The following FRYL variants were observed in gnomAD, a reference collection of about 807,000 sequenced individuals.
The protein encoded by FRYL is protein furry homolog-like.
Under a neutral mutation model 351.2 loss-of-function variants are expected in FRYL, and 150 were observed. The observed-to-expected ratio is 0.43, with a 90% CI of 0.37 to 0.49. FRYL has a LOEUF of 0.49. Ranked by LOEUF, FRYL falls within the 20% of genes least tolerant of loss-of-function variation. The probability of loss-of-function intolerance (pLI) is 0.00; values close to 1 mark genes in which losing one functional copy is unlikely to be tolerated. For missense variants in FRYL, 3,036 were observed against 3,619.3 expected (o/e 0.84, Z 4.13); for synonymous variants, 1,153 against 1,257.1 (o/e 0.92, Z 1.75).
chr4:48,634,317 T>C lies in FRYL; in HGVS notation c.94A>G (p.Ile32Val). 6.2e-7 allele frequency: 1 copy of C among 1,613,680 alleles called. No individual in the cohort carries two copies. The highest frequency in any genetic ancestry group is 1.1e-5 in the South Asian group (1 of 91,080). The change falls in exon 4 of 64, where the codon ATT becomes GTT. Residue 32 changes from isoleucine to valine, a missense_variant. Around this residue, in one of 7 missense-constraint regions of FRYL, gnomAD observed 457 missense variants for 566.6 expected, o/e 0.81. Transcript: ENST00000358350. ...AAGGGTTCGGCCATTACAACTTCAATTTTCTTTTCAGCTTGAACAGCAAAT... is the reference window on the plus strand; with the variant it reads ...AAGGGTTCGGCCATTACAACTTCAACTTTCTTTTCAGCTTGAACAGCAAAT... ...AEFAVQAEKKIEVVMAEPLEK... is the reference protein window; with the variant it reads ...AEFAVQAEKKVEVVMAEPLEK...
intron 56 of FRYL, among the ~76,000 whole-genome samples, chr4:48,512,914 C>T (rs1176029678): frequency 6.6e-6 from 1 of 152,138 alleles, no homozygotes; most frequent in Non-Finnish European, 1.5e-5. Context: ...CAAGCAACTA[C>T]CTTAAAATAA....
intron 62 of FRYL, among the ~76,000 whole-genome samples, chr4:48,500,576 C>T (rs1006909532): frequency 6.6e-6 from 1 of 152,018 alleles, no homozygotes; most frequent in Non-Finnish European, 1.5e-5. Flanking sequence ...AGATTATTTA[C>T]CCCAGGGTAT....
At chr4:48,774,363 C>T (rs1268632383) in intron 1 of FRYL, among the ~76,000 whole-genome samples, 4 of 152,094 alleles carry the variant, frequency 2.6e-5, no homozygotes, top group African/African-American at 9.7e-5. Flanking sequence ...GAACTACTAC[C>T]CCTCTGTCAG....
Position 48,713,152 on chromosome 4 carries a change from T to G in FRYL, c.-383-2454A>C, listed in dbSNP as rs1196722475. ...GCCAAAATGTAAAGACCATCGAGAC[T>G]AGGAAGAAACTGCATCAACTAACAA... On this transcript the variant is annotated intron_variant, in intron 1 of 63. Transcript: ENST00000358350. 3.3e-5 allele frequency among the ~76,000 whole-genome samples: 5 copies of G among 151,152 alleles called. No homozygotes were observed. The East Asian group carries it at 9.7e-4, about 29-fold the overall frequency.
At position 48,543,865 on chromosome 4, in the gene FRYL, A is replaced by G; in HGVS notation, c.5534T>C (p.Leu1845Pro). 6.2e-7 allele frequency: 1 copy of G among 1,613,882 alleles called. No homozygotes were observed. The highest frequency in any genetic ancestry group is 8.5e-7 in the Non-Finnish European group (1 of 1,179,814). Residue 1845 changes from leucine to proline, a missense_variant, in exon 44 of 64, where the codon CTT (leucine) becomes CCT (proline). Leu to Pro is a moderately conservative substitution (Grantham distance 98). Coordinates refer to ENST00000358350, the MANE Select transcript of FRYL (RefSeq NM_015030.2). ...ALKQPLTATT[L>P]SDVLSRLVET... ...TACAAGTCTGGAGAGAACATCAGAAAGTGTAGTTGCAGTGAGAGGCTGCTT... is the reference window on the plus strand; with the variant it reads ...TACAAGTCTGGAGAGAACATCAGAAGGTGTAGTTGCAGTGAGAGGCTGCTT...
At chr4:48,749,510 A>G (rs1317913949) in intron 1 of FRYL, among the ~76,000 whole-genome samples, 1 of 152,062 alleles carries the variant, frequency 6.6e-6, no homozygotes, top group Non-Finnish European at 1.5e-5. Context: ...GACTCCTGTA[A>G]TTTGCCATGT....
chr4:48,757,006 G>C (rs565588773), intron 1 of FRYL, among the ~76,000 whole-genome samples: 1 of 152,300 alleles, frequency 6.6e-6, no homozygotes, highest in South Asian at 2.1e-4. Context: ...GTTCATCTGG[G>C]TGACTGTAGT....
At chr4:48,606,173 T>G (rs1181549797) in intron 10 of FRYL, among the ~76,000 whole-genome samples, 1 of 150,292 alleles carries the variant, frequency 6.7e-6, no homozygotes. Context: ...CTCGGGTGCC[T>G]GAGGCAGGAG....
At chr4:48,582,800 T>A in intron 19 of FRYL, 66 bp from the exon 20 acceptor site, 4 of 1,028,228 alleles carry the variant, frequency 3.9e-6, no homozygotes, top group Non-Finnish European at 4.5e-6. Flanking sequence ...ATCTGAAACT[T>A]AAAACTATGA....
At chr4:48,615,698 T>C (rs1222611543) in intron 7 of FRYL, among the ~76,000 whole-genome samples, 1 of 152,252 alleles carries the variant, frequency 6.6e-6, no homozygotes, top group Non-Finnish European at 1.5e-5. Flanking sequence ...CACTACTTAA[T>C]TTCATCATAT....
At chr4:48,506,614 TAATATATATATATATATATATATA>T (rs1384181094) in intron 59 of FRYL, 4 of 78,008 alleles carry the variant, frequency 5.1e-5, no homozygotes, top group South Asian at 5.1e-4. Context: ...ACAATACAAC[TAATATATATATATATATATATATA>T]TATATATATA....
At chr4:48,504,180 T>C (rs1252651066) in intron 60 of FRYL, among the ~76,000 whole-genome samples, 3 of 152,104 alleles carry the variant, frequency 2.0e-5, no homozygotes, top group Non-Finnish European at 4.4e-5. Flanking sequence ...CATTCTTTTA[T>C]TCATCTAACA....
intron 18 of FRYL, among the ~76,000 whole-genome samples, chr4:48,586,969 T>C (rs1467904013): frequency 6.6e-6 from 1 of 151,946 alleles, no homozygotes; most frequent in Non-Finnish European, 1.5e-5. Context: ...ACAACAAGCA[T>C]TACAACCATT....
At chr4:48,732,309 T>G (rs1196084685) in intron 1 of FRYL, among the ~76,000 whole-genome samples, 1 of 152,108 alleles carries the variant, frequency 6.6e-6, no homozygotes, top group Non-Finnish European at 1.5e-5. Flanking sequence ...AAAATAGGAA[T>G]GCTTTTACAC....
At chr4:48,551,444 A>AC (rs1202099250) in intron 37 of FRYL, 50 bp downstream of exon 37, 9 of 960,310 alleles carry the variant, frequency 9.4e-6, no homozygotes, top group Non-Finnish European at 1.4e-5. Flanking sequence ...TCTGATGACA[A>AC]CCAGTATCTG....
At chr4:48,736,183 T>C (rs926479566) in intron 1 of FRYL, among the ~76,000 whole-genome samples, 7 of 151,634 alleles carry the variant, frequency 4.6e-5, no homozygotes, top group African/African-American at 1.5e-4. Context: ...AAAATGAAAA[T>C]ACAACATCAA....
intron 3 of FRYL, among the ~76,000 whole-genome samples, chr4:48,642,848 T>C (rs1340208088): frequency 2.0e-5 from 3 of 152,146 alleles, no homozygotes; most frequent in African/African-American, 7.2e-5. Context: ...AAAATGTGCA[T>C]GGACCTGGGA....
chr4:48,506,737 T>C (rs1287484798), intron 59 of FRYL: 4 of 149,246 alleles, frequency 2.7e-5, no homozygotes, highest in Non-Finnish European at 5.9e-5. Flanking sequence ...ATTTTAGTAT[T>C]CGACATTTAA....
chr4:48,524,603 T>C (rs1281279084), intron 53 of FRYL, among the ~76,000 whole-genome samples: 1 of 152,150 alleles, frequency 6.6e-6, no homozygotes, highest in Non-Finnish European at 1.5e-5. Context: ...TTTTAGAAAA[T>C]GTGTATCGCT....
Sources: allele counts gnomAD v4.1 joint callset (sites outside exome capture counted in the v4.1 genomes callset), GRCh38; gene constraint gnomAD v4.1.1; regional missense constraint gnomAD v4.1.1; transcripts MANE v1.5; gene names NCBI Gene and HGNC (gene_info 2026-07-23, HGNC 2026-07-21).